Variants in GAB2 observed in about 807,000 individuals in gnomAD.
The protein encoded by GAB2 is GRB2-associated-binding protein 2.
GAB2 carries 26 observed loss-of-function variants against 65.5 expected under a neutral mutation model. The observed-to-expected ratio is 0.40, with a 90% CI of 0.29 to 0.55. GAB2 has a LOEUF of 0.55. Among genes scored for constraint, GAB2 ranks in the 20% least tolerant of loss-of-function variants. The probability of loss-of-function intolerance (pLI) is 0.53; values close to 1 mark genes in which losing one functional copy is unlikely to be tolerated. For synonymous variants in GAB2, 321 were observed against 329.6 expected, an observed-to-expected ratio of 0.97 and a Z score of 0.28; for missense variants, 884 against 875.8, an observed-to-expected ratio of 1.01 and a Z score of -0.12.
rs1206556686 is a variant in GAB2, at chr11:78,367,264, G to GC, written c.75+50381dup. Among the ~76,000 whole-genome samples, 4 of 152,314 alleles carry GC rather than the reference G, an allele frequency of 2.6e-5. No homozygotes were observed. In the East Asian group the frequency reaches 7.7e-4, roughly 29 times the overall value. ...ACAACATTCTGGTCATGAGAAAAAA[G>GC]CAATGAACAAAACAGACAAAAATCC... On this transcript the variant is annotated intron_variant, in intron 1 of 9. Coordinates refer to ENST00000361507, the MANE Select transcript of GAB2 (RefSeq NM_080491.3).
At chr11:78,246,644 G>T (rs550375017) in intron 3 of GAB2, among the ~76,000 whole-genome samples, 9 of 152,030 alleles carry the variant, frequency 5.9e-5, no homozygotes, top group African/African-American at 2.2e-4. Context: ...GATTACAGGG[G>T]CCCACTACCA....
At chr11:78,362,665 G>A (rs1856449066) in intron 1 of GAB2, among the ~76,000 whole-genome samples, 1 of 151,532 alleles carries the variant, frequency 6.6e-6, no homozygotes, top group South Asian at 2.1e-4. Context: ...AAATTCTCAA[G>A]TTAAAAGAAA....
At chr11:78,362,196 A>G (rs1856443569) in intron 1 of GAB2, among the ~76,000 whole-genome samples, 1 of 152,128 alleles carries the variant, frequency 6.6e-6, no homozygotes, top group African/African-American at 2.4e-5. Flanking sequence ...TAACATATCT[A>G]ATATGTTAAC....
At chr11:78,234,257 AT>A (rs1864928982) in intron 3 of GAB2, among the ~76,000 whole-genome samples, 1 of 151,718 alleles carries the variant, frequency 6.6e-6, no homozygotes, top group East Asian at 1.9e-4. Flanking sequence ...TACTTTTTGT[AT>A]TTTCTGTAGA....
intron 1 of GAB2, among the ~76,000 whole-genome samples, chr11:78,344,025 AG>A (rs1283590841): frequency 6.6e-6 from 1 of 152,202 alleles, no homozygotes; most frequent in Non-Finnish European, 1.5e-5. Context: ...GATGAGTTGA[AG>A]GACTGTCTAT....
chr11:78,383,835 T>C (rs548891216), intron 1 of GAB2, among the ~76,000 whole-genome samples: 1 of 152,020 alleles, frequency 6.6e-6, no homozygotes, highest in Non-Finnish European at 1.5e-5. Flanking sequence ...GTGGAGGGAT[T>C]GAATGGGAGA....
rs534814220 is a variant in GAB2 at position 78,383,581 on chromosome 11, C to CAAAAAAAAAAAAAAAA, written c.75+34049_75+34064dup. Among the ~76,000 whole-genome samples, 97 of 55,528 alleles carry CAAAAAAAAAAAAAAAA rather than the reference C, an allele frequency of 1.7e-3. 7 individuals are homozygous for CAAAAAAAAAAAAAAAA. Among genetic ancestry groups the CAAAAAAAAAAAAAAAA allele is most frequent in the African/African-American group, 3.9e-3 (61 of 15,536 alleles). 36.4% of individuals were successfully genotyped at this position (55,528 alleles called of 152,430 possible). ...GCAACATGGCAAAACCCTGTCTCTC[C>CAAAAAAAAAAAAAAAA]AAAAAAAAAAAAAAAAAAATACAAA... On this transcript the variant is annotated intron_variant, in intron 1 of 9. Coordinates refer to ENST00000361507, the MANE Select transcript of GAB2 (RefSeq NM_080491.3).
intron 2 of GAB2, among the ~76,000 whole-genome samples, chr11:78,269,875 G>C (rs984744258): frequency 6.6e-6 from 1 of 152,180 alleles, no homozygotes; most frequent in East Asian, 1.9e-4. Flanking sequence ...AGGAGTTCGA[G>C]AAGGTAAAAA....
intron 3 of GAB2, among the ~76,000 whole-genome samples, chr11:78,230,107 CT>C (rs1424714343): frequency 2.6e-5 from 4 of 152,336 alleles, no homozygotes; most frequent in African/African-American, 9.6e-5. Flanking sequence ...TAGGTTAATG[CT>C]TGTTGCATTA....
chr11:78,381,756 A>G (rs182589364), intron 1 of GAB2, among the ~76,000 whole-genome samples: 62 of 152,318 alleles, frequency 4.1e-4, no homozygotes, highest in Non-Finnish European at 6.8e-4. Context: ...AGAGCCTCCA[A>G]TGTAGTTATG....
At chr11:78,241,917 A>G (rs868444275) in intron 3 of GAB2, among the ~76,000 whole-genome samples, 9 of 152,356 alleles carry the variant, frequency 5.9e-5, no homozygotes, top group Middle Eastern at 6.8e-3. Context: ...GAAAATCAAC[A>G]GGGAAACAAT....
intron 1 of GAB2, among the ~76,000 whole-genome samples, chr11:78,394,075 T>G (rs1393844754): frequency 2.6e-5 from 4 of 152,130 alleles, no homozygotes; most frequent in Non-Finnish European, 5.9e-5. Context: ...GATCATGAGG[T>G]CAAGAGATCA....
intron 1 of GAB2, among the ~76,000 whole-genome samples, chr11:78,371,663 G>C (rs1856572707): frequency 1.3e-5 from 2 of 152,200 alleles, no homozygotes; most frequent in African/African-American, 4.8e-5. Context: ...TACAGTTCAT[G>C]CTTATAGCTG....
In GAB2 at chr11:78,284,427, C is replaced by A. The variant is rs115713775; in HGVS notation, c.76-3526G>T. On this transcript the variant is annotated intron_variant, in intron 1 of 9. Coordinates refer to ENST00000361507, the MANE Select transcript of GAB2 (RefSeq NM_080491.3). ...ACTCAGAGTAAAGCCAAAGTCCCCA[C>A]AATGGCCTACAGGCCTGATGGGACT... Among the ~76,000 whole-genome samples the A allele has an allele frequency of 8.6e-3, 1,318 of 152,374 alleles. 20 individuals are homozygous for A. Among genetic ancestry groups the A allele is most frequent in the African/African-American group, 0.03 (1,252 of 41,586 alleles).
intron 1 of GAB2, among the ~76,000 whole-genome samples, chr11:78,389,473 A>C (rs1436588627): frequency 6.6e-6 from 1 of 151,920 alleles, no homozygotes; most frequent in South Asian, 2.1e-4. Flanking sequence ...CACCCAGCTA[A>C]TTTTTTGTAT....
At chr11:78,282,309 A>ATTT (rs144499552) in intron 1 of GAB2, among the ~76,000 whole-genome samples, 1 of 145,596 alleles carries the variant, frequency 6.9e-6, no homozygotes, top group Non-Finnish European at 1.5e-5. Flanking sequence ...GGCTGTGTGA[A>ATTT]TTTTTTTTTT....
chr11:78,231,090 C>A lies in GAB2; in HGVS notation c.621-4039G>T, dbSNP rs568295571. Among the ~76,000 whole-genome samples the A allele has an allele frequency of 3.9e-5, 6 of 152,318 alleles. No homozygotes were observed. The East Asian group carries it at 7.7e-4, about 20-fold the overall frequency. On this transcript the variant is annotated intron_variant, in intron 3 of 9. Coordinates refer to ENST00000361507, the MANE Select transcript of GAB2 (RefSeq NM_080491.3). ...AAATCCTCCTAATAGTTCTGAGACA[C>A]ACCTCTTACTTTCACATTATCAGAT...
intron 1 of GAB2, among the ~76,000 whole-genome samples, chr11:78,394,329 A>C (rs555210936): frequency 3.3e-4 from 50 of 152,130 alleles, no homozygotes; most frequent in African/African-American, 1.2e-3. Context: ...ATACTATGAG[A>C]TCTTCTACCC....
chr11:78,389,596 C>T (rs1302394896), intron 1 of GAB2, among the ~76,000 whole-genome samples: 3 of 152,130 alleles, frequency 2.0e-5, no homozygotes, highest in Admixed American at 6.5e-5. Context: ...CGTGAGCCAC[C>T]GCGCCCGGCC....
Sources: gnomAD v4.1 joint callset for allele counts (sites outside exome capture counted in the v4.1 genomes callset) on GRCh38, gnomAD v4.1.1 for gene constraint, MANE v1.5 for transcripts, NCBI Gene and HGNC (gene_info 2026-07-23, HGNC 2026-07-21) for gene names.